The following NEK6 variants were observed in gnomAD, a reference collection of about 807,000 sequenced individuals.
The protein encoded by NEK6 is NIMA related kinase 6, also known as serine/threonine-protein kinase Nek6.
A neutral mutation model predicts 43.5 loss-of-function variants in NEK6; 27 were observed. The observed-to-expected ratio is 0.62, with a 90% CI of 0.46 to 0.86. NEK6 has a LOEUF of 0.86. Among genes scored for constraint, NEK6 ranks in the 40% least tolerant of loss-of-function variants. The pLI is 0.00. For missense variants in NEK6, 318 were observed against 414.4 expected (o/e 0.77, Z 2.02); for synonymous variants, 167 against 164.1 (o/e 1.02, Z -0.14).
chr9:124,340,147 T>TCTCCCCAAAGACCACCAC (rs1379919553), intron 8 of NEK6, among the ~76,000 whole-genome samples: 2 of 151,882 alleles, frequency 1.3e-5, no homozygotes, highest in Non-Finnish European at 2.9e-5. Context: ...GACCACCACC[T>TCTCCCCAAAGACCACCAC]CTCCCCTGAG....
chr9:124,313,793 A>C lies in NEK6; in HGVS notation c.232-130A>C, dbSNP rs1192561187. On this transcript the variant is annotated intron_variant, in intron 3 of 9. Coordinates refer to ENST00000320246, the MANE Select transcript of NEK6 (RefSeq NM_014397.6). ...CAAGCCCTACAGGGGCTGGGAGTGC[A>C]GGGGGGGGTCACAGAGTCCCTTGGT... The C allele has an allele frequency of 9.9e-5, 81 of 821,116 alleles. 1 individual carries two copies. The South Asian group carries it at 1.1e-3, about 11-fold the overall frequency. The allele number at this position is 821,116 out of a possible 1,614,324, so 50.9% of individuals were successfully genotyped here.
intron 1 of NEK6, among the ~76,000 whole-genome samples, chr9:124,270,381 G>A (rs1463364823): frequency 4.6e-5 from 7 of 152,142 alleles, no homozygotes; most frequent in African/African-American, 1.7e-4. Context: ...TTCCCATTCT[G>A]CAGAGGCCTA....
chr9:124,282,214 C>T lies in NEK6; in HGVS notation c.-29-19722C>T, dbSNP rs116534331. Among the ~76,000 whole-genome samples the T allele has an allele frequency of 3.4e-3, 511 of 152,340 alleles. 6 individuals are homozygous for T. The highest frequency in any genetic ancestry group is 0.012 in the African/African-American group (487 of 41,578). On this transcript the variant is annotated intron_variant, in intron 1 of 9. Transcript: ENST00000320246. ...GTGGAGGCTCTGACAAAGCACCTGCCGTGCCTTTTTCTGGCTTCTGGCAGG... is the reference window on the plus strand; with the variant it reads ...GTGGAGGCTCTGACAAAGCACCTGCTGTGCCTTTTTCTGGCTTCTGGCAGG...
In NEK6 at chr9:124,341,215, G is replaced by C. The variant is rs560178667; in HGVS notation, c.717+1550G>C. ...CCGCCACCCCACCCGGCAAATTTTCGTATTTTTTGGTAGAGACGGGGTTTC... is the reference window on the plus strand; with the variant it reads ...CCGCCACCCCACCCGGCAAATTTTCCTATTTTTTGGTAGAGACGGGGTTTC... On this transcript the variant is annotated intron_variant, in intron 8 of 9. Transcript: ENST00000320246. Among the ~76,000 whole-genome samples, 63 of 152,274 alleles carry C rather than the reference G, an allele frequency of 4.1e-4. 2 individuals carry two copies. In the South Asian group the frequency reaches 0.013, roughly 31 times the overall value.
chr9:124,292,609 C>T, intron 1 of NEK6: 4 of 1,521,182 alleles, frequency 2.6e-6, no homozygotes, highest in Non-Finnish European at 3.5e-6. Flanking sequence ...CTTCCACTGT[C>T]AGTCAGCAGG....
chr9:124,271,878 C>T (rs73666842), intron 1 of NEK6, among the ~76,000 whole-genome samples: 2,448 of 152,368 alleles, frequency 0.016, 73 homozygotes, highest in African/African-American at 0.055. Context: ...CAAGGCCTGG[C>T]CAGCTCTGTG....
chr9:124,264,147 C>G (rs546344469), intron 1 of NEK6, among the ~76,000 whole-genome samples: 1 of 152,240 alleles, frequency 6.6e-6, no homozygotes, highest in Non-Finnish European at 1.5e-5. Flanking sequence ...CCCCGCCCCC[C>G]AAAGCCATTT....
intron 1 of NEK6, among the ~76,000 whole-genome samples, chr9:124,295,587 C>T (rs1188668869): frequency 5.3e-5 from 8 of 152,196 alleles, no homozygotes; most frequent in African/African-American, 9.7e-5. Flanking sequence ...ACCTGGCACC[C>T]GTCACTCAAC....
chr9:124,264,207 G>T (rs969542231), intron 1 of NEK6, among the ~76,000 whole-genome samples: 24 of 152,234 alleles, frequency 1.6e-4, no homozygotes, highest in Non-Finnish European at 1.6e-4. Context: ...AGAGATCCTT[G>T]TCCTCCGGAA....
intron 7 of NEK6, among the ~76,000 whole-genome samples, chr9:124,335,855 A>G (rs1193103140): frequency 6.6e-6 from 1 of 152,246 alleles, no homozygotes; most frequent in African/African-American, 2.4e-5. Context: ...CAGGCCTATA[A>G]TCCAAACACT....
intron 1 of NEK6, chr9:124,292,286 G>C: frequency 7.5e-7 from 1 of 1,336,198 alleles, no homozygotes; most frequent in Non-Finnish European, 9.9e-7. Context: ...CCACCAACCT[G>C]ACAGGACCTT....
intron 1 of NEK6, among the ~76,000 whole-genome samples, chr9:124,268,887 G>A (rs947985312): frequency 2.6e-4 from 39 of 152,194 alleles, no homozygotes; most frequent in African/African-American, 9.2e-4. Context: ...ATAATAATCT[G>A]ATGACATGTT....
intron 7 of NEK6, among the ~76,000 whole-genome samples, chr9:124,330,896 C>T (rs889530960): frequency 1.3e-5 from 2 of 152,120 alleles, no homozygotes; most frequent in Non-Finnish European, 2.9e-5. Context: ...GCCCTCACTT[C>T]GTTACTCTGT....
At chr9:124,264,622 T>C (rs949329824) in intron 1 of NEK6, among the ~76,000 whole-genome samples, 6 of 151,972 alleles carry the variant, frequency 3.9e-5, no homozygotes, top group African/African-American at 7.3e-5. Context: ...CCAGCCAACA[T>C]GGCAAAACCC....
At chr9:124,306,445 G>A (rs570258437) in intron 2 of NEK6, among the ~76,000 whole-genome samples, 4 of 152,258 alleles carry the variant, frequency 2.6e-5, no homozygotes, top group African/African-American at 7.2e-5. Context: ...AGTGGCCCAC[G>A]GAGTGCGGTG....
At chr9:124,290,533 C>T (rs1832372022) in intron 1 of NEK6, among the ~76,000 whole-genome samples, 1 of 152,238 alleles carries the variant, frequency 6.6e-6, no homozygotes, top group South Asian at 2.1e-4. Flanking sequence ...GTCCCAGTGG[C>T]GATGAGCTGC....
At chr9:124,279,112 C>G (rs1210363390) in intron 1 of NEK6, among the ~76,000 whole-genome samples, 1 of 152,086 alleles carries the variant, frequency 6.6e-6, no homozygotes, top group African/African-American at 2.4e-5. Flanking sequence ...GGGGCTTCAA[C>G]CTGTCTTGGT....
chr9:124,263,491 G>A (rs1433385466), intron 1 of NEK6, among the ~76,000 whole-genome samples: 12 of 152,194 alleles, frequency 7.9e-5, no homozygotes, highest in African/African-American at 2.4e-4. Context: ...CAGAAGCTTC[G>A]GGGGAGGAAG....
At chr9:124,284,983 A>G (rs1395263237) in intron 1 of NEK6, among the ~76,000 whole-genome samples, 1 of 152,228 alleles carries the variant, frequency 6.6e-6, no homozygotes, top group African/African-American at 2.4e-5. Context: ...AGTAGGTGCC[A>G]CGGAGTAGTG....
Sources: gnomAD v4.1 joint callset for allele counts (sites outside exome capture counted in the v4.1 genomes callset) on GRCh38, gnomAD v4.1.1 for gene constraint, MANE v1.5 for transcripts, NCBI Gene and HGNC (gene_info 2026-07-23, HGNC 2026-07-21) for gene names.